Variants in TCF12 observed in about 807,000 individuals in gnomAD.
The protein encoded by TCF12 is DNA-binding protein HTF4.
Under a neutral mutation model 86.0 loss-of-function variants are expected in TCF12, and 45 were observed. The ratio of observed to expected loss-of-function variants is 0.52; its 90% CI spans 0.41 to 0.67. The LOEUF (loss-of-function observed/expected upper bound fraction) is 0.67. TCF12 is among the 30% of genes least tolerant of loss of function. The probability of loss-of-function intolerance (pLI) is 0.00; values close to 1 mark genes in which losing one functional copy is unlikely to be tolerated. For missense variants in TCF12, 881 were observed against 859.9 expected (o/e 1.02, Z -0.31); for synonymous variants, 330 against 299.6 (o/e 1.10, Z -1.05).
At chr15:57,071,273 C>T (rs2069356284) in intron 4 of TCF12, among the ~76,000 whole-genome samples, 2 of 150,726 alleles carry the variant, frequency 1.3e-5, no homozygotes, top group African/African-American at 4.9e-5. Context: ...AAATCCAGGT[C>T]TGGTGGTGCG....
chr15:57,166,486 A>G lies in TCF12; in HGVS notation c.390+20A>G. On this transcript the variant is annotated intron_variant, in intron 6 of 20. Transcript: ENST00000333725. ...TGTCAAGTAAGTTTAATGATTAAAAAAAGCAATGAGATGGTTTTTAAACAC... is the reference window on the plus strand; with the variant it reads ...TGTCAAGTAAGTTTAATGATTAAAAGAAGCAATGAGATGGTTTTTAAACAC... 6.2e-7 allele frequency: 1 copy of G among 1,605,754 alleles called. No homozygotes were observed. Among genetic ancestry groups the G allele is most frequent in the Non-Finnish European group, 8.5e-7 (1 of 1,175,148 alleles).
chr15:57,140,720 CAA>C (rs1474780736), intron 5 of TCF12, among the ~76,000 whole-genome samples: 2 of 152,070 alleles, frequency 1.3e-5, no homozygotes, highest in African/African-American at 4.8e-5. Flanking sequence ...GAGATATAAA[CAA>C]AATTATTTTA....
chr15:56,958,036 A>G (rs1441661864), intron 3 of TCF12, among the ~76,000 whole-genome samples: 1 of 152,190 alleles, frequency 6.6e-6, no homozygotes, highest in Non-Finnish European at 1.5e-5. Context: ...CCTTGTGTGA[A>G]TGCTTGGCAC....
intron 13 of TCF12, 65 bp from the exon 14 acceptor site, chr15:57,251,285 C>T: frequency 3.6e-6 from 5 of 1,376,998 alleles, no homozygotes; most frequent in Non-Finnish European, 5.2e-6. Context: ...TTTACCCTTT[C>T]CTTCACAACA....
chr15:56,963,340 A>T (rs902663942), intron 3 of TCF12, among the ~76,000 whole-genome samples: 1 of 152,202 alleles, frequency 6.6e-6, no homozygotes. Context: ...GTTTTTCCAC[A>T]TGTGCCATTT....
chr15:57,048,535 A>C (rs2067392946), intron 3 of TCF12, among the ~76,000 whole-genome samples: 4 of 152,132 alleles, frequency 2.6e-5, no homozygotes, highest in African/African-American at 9.7e-5. Flanking sequence ...TGCTGGGATT[A>C]CAGGTGTGAG....
At chr15:57,247,981 C>A in intron 13 of TCF12, 1 of 726,254 alleles carries the variant, frequency 1.4e-6, no homozygotes, top group Non-Finnish European at 2.5e-6. Flanking sequence ...GCCCTTCTCC[C>A]CCACCACCCC....
chr15:57,023,022 C>T (rs372401159), intron 3 of TCF12, among the ~76,000 whole-genome samples: 7 of 152,116 alleles, frequency 4.6e-5, no homozygotes, highest in African/African-American at 1.7e-4. Flanking sequence ...TGCATTGAGG[C>T]TCTTCCTGTT....
chr15:56,939,967 GTTTT>G (rs67832685), intron 3 of TCF12, among the ~76,000 whole-genome samples: 2 of 104,714 alleles, frequency 1.9e-5, no homozygotes, highest in African/African-American at 8.7e-5. Context: ...TTAATAGCGT[GTTTT>G]TTTTTTTTTT....
chr15:57,002,615 A>G (rs2064116248), intron 3 of TCF12, among the ~76,000 whole-genome samples: 1 of 152,208 alleles, frequency 6.6e-6, no homozygotes, highest in Admixed American at 6.5e-5. Flanking sequence ...TCATTTCTAG[A>G]TTCCCACATA....
intron 3 of TCF12, among the ~76,000 whole-genome samples, chr15:56,988,797 C>A (rs553234568): frequency 1.2e-4 from 18 of 152,164 alleles, no homozygotes; most frequent in African/African-American, 4.3e-4. Context: ...AAACAAAGGG[C>A]CTTTTCTTAT....
chr15:57,075,796 T>TCTCTCTC (rs1567370337), intron 4 of TCF12, among the ~76,000 whole-genome samples: 2 of 26,034 alleles, frequency 7.7e-5, no homozygotes, highest in African/African-American at 2.4e-4. Flanking sequence ...CTTTCTTTCT[T>TCTCTCTC]TCTTTCTTTC....
At chr15:56,964,712 T>C (rs2140633091) in intron 3 of TCF12, among the ~76,000 whole-genome samples, 1 of 152,310 alleles carries the variant, frequency 6.6e-6, no homozygotes, top group South Asian at 2.1e-4. Context: ...CTTATTGCCT[T>C]AGTAATAAGT....
chr15:57,180,086 T>C (rs2056231086), intron 6 of TCF12, among the ~76,000 whole-genome samples: 1 of 152,232 alleles, frequency 6.6e-6, no homozygotes, highest in Non-Finnish European at 1.5e-5. Context: ...TGTAAATGAA[T>C]TTGCATCATA....
At chr15:57,040,296 G>C (rs1345006279) in intron 3 of TCF12, among the ~76,000 whole-genome samples, 1 of 152,184 alleles carries the variant, frequency 6.6e-6, no homozygotes, top group African/African-American at 2.4e-5. Context: ...CTGTATATTT[G>C]TGGAGCCTAT....
intron 3 of TCF12, among the ~76,000 whole-genome samples, chr15:57,047,731 A>G (rs75358948): frequency 0.013 from 1,996 of 152,358 alleles, 22 homozygotes; most frequent in Non-Finnish European, 0.021. Flanking sequence ...TAAATATACA[A>G]TATCTCAAAA....
chr15:56,994,943 T>C (rs2063628117), intron 3 of TCF12, among the ~76,000 whole-genome samples: 1 of 152,124 alleles, frequency 6.6e-6, no homozygotes, highest in Non-Finnish European at 1.5e-5. Flanking sequence ...ATGAATTCTT[T>C]AAAATACGTT....
chr15:57,064,144 G>C (rs2068670416), intron 4 of TCF12, among the ~76,000 whole-genome samples: 2 of 152,248 alleles, frequency 1.3e-5, no homozygotes, highest in South Asian at 4.2e-4. Context: ...TTTGCTTTGA[G>C]AGATGGCATT....
intron 3 of TCF12, among the ~76,000 whole-genome samples, chr15:57,036,150 C>T (rs568935021): frequency 2.6e-5 from 4 of 151,076 alleles, no homozygotes; most frequent in Admixed American, 6.6e-5. Context: ...AGATTTTGAA[C>T]GGTGGCTGTT....
Sources: allele counts gnomAD v4.1 joint callset (sites outside exome capture counted in the v4.1 genomes callset), GRCh38; gene constraint gnomAD v4.1.1; transcripts MANE v1.5; gene names NCBI Gene and HGNC (gene_info 2026-07-23, HGNC 2026-07-21).